SLC4A4: variants seen among roughly 807,000 people sequenced by gnomAD.
SLC4A4 encodes the protein solute carrier family 4 member 4.
Under a neutral mutation model 111.5 loss-of-function variants are expected in SLC4A4, and 27 were observed. That is an observed-to-expected ratio of 0.24 (90% CI 0.18 to 0.33). The LOEUF is 0.33. Ranked by LOEUF, SLC4A4 falls within the 10% of genes least tolerant of loss-of-function variation. The pLI is 1.00. For synonymous variants in SLC4A4, 443 were observed against 463.4 expected (o/e 0.96, Z 0.57); for missense variants, 909 against 1,315.5 (o/e 0.69, Z 4.78).
chr4:71,449,878 G>A (rs2149074550), intron 9 of SLC4A4, among the ~76,000 whole-genome samples: 1 of 152,300 alleles, frequency 6.6e-6, no homozygotes, highest in Middle Eastern at 3.4e-3. Context: ...TTTGGTTAAT[G>A]TGCTGCCGAT....
At chr4:71,430,872 G>A (rs1358394683) in intron 7 of SLC4A4, among the ~76,000 whole-genome samples, 1 of 152,068 alleles carries the variant, frequency 6.6e-6, no homozygotes, top group Non-Finnish European at 1.5e-5. Flanking sequence ...CCTGTGATTG[G>A]CCTCCATGCT....
chr4:71,406,757 A>T (rs973178349), intron 7 of SLC4A4, among the ~76,000 whole-genome samples: 2 of 151,272 alleles, frequency 1.3e-5, no homozygotes, highest in African/African-American at 2.4e-5. Flanking sequence ...TCAGTGTTCC[A>T]TGCATACACA....
intron 2 of SLC4A4, among the ~76,000 whole-genome samples, chr4:71,098,877 A>G (rs1357744263): frequency 1.3e-5 from 2 of 152,216 alleles, no homozygotes; most frequent in African/African-American, 4.8e-5. Flanking sequence ...GTATTACATA[A>G]TGGTAAAGGG....
rs1418220732 is a variant in SLC4A4 at position 71,560,398 on chromosome 4, CT to C, written c.3099+147del. 5.8e-6 allele frequency: 5 copies of C among 863,248 alleles called. No individual in the cohort carries two copies. The African/African-American group carries it at 9.8e-5, about 17-fold the overall frequency. The allele number at this position is 863,248 out of a possible 1,614,324, so 53.5% of individuals were successfully genotyped here. A position where few individuals can be genotyped will look rare whatever the true frequency, so the allele number is the denominator to read the frequency against. The stretch of plus-strand genomic sequence containing the variant: ...GTGGTGTATTACTCATTTCACCTCC[CT>C]TTGCCCTTTATATTCTCTGGTTTTT... On this transcript the variant is annotated intron_variant, in intron 23 of 25. Transcript: ENST00000264485.
At chr4:71,253,213 T>C (rs1721198844) in intron 2 of SLC4A4, among the ~76,000 whole-genome samples, 1 of 152,126 alleles carries the variant, frequency 6.6e-6, no homozygotes, top group South Asian at 2.1e-4. Context: ...GTTTGATGGC[T>C]CACTCTCTGA....
intron 1 of SLC4A4, among the ~76,000 whole-genome samples, chr4:71,190,124 T>G (rs1340330081): frequency 6.6e-6 from 1 of 152,184 alleles, no homozygotes; most frequent in East Asian, 1.9e-4. Flanking sequence ...AACTGGATCT[T>G]ACTACTTTTA....
intron 6 of SLC4A4, among the ~76,000 whole-genome samples, chr4:71,390,123 G>A (rs576703381): frequency 2.0e-5 from 3 of 151,880 alleles, no homozygotes; most frequent in African/African-American, 4.8e-5. Context: ...TTTTTTTCAC[G>A]GGATGGGGAA....
chr4:71,144,759 G>A (rs565112316), intron 2 of SLC4A4, among the ~76,000 whole-genome samples: 15 of 152,022 alleles, frequency 9.9e-5, no homozygotes, highest in Non-Finnish European at 1.9e-4. Flanking sequence ...GTCTGTTGTC[G>A]GTGTATAAGA....
intron 7 of SLC4A4, among the ~76,000 whole-genome samples, chr4:71,407,866 G>C (rs1579031300): frequency 6.6e-6 from 1 of 151,996 alleles, no homozygotes; most frequent in East Asian, 1.9e-4. Context: ...ACAATGAATA[G>C]AGAGTTACAA....
At chr4:71,401,931 G>T (rs1720401248) in intron 7 of SLC4A4, among the ~76,000 whole-genome samples, 1 of 152,130 alleles carries the variant, frequency 6.6e-6, no homozygotes, top group Non-Finnish European at 1.5e-5. Flanking sequence ...TGCTTATCTG[G>T]TTATTATTTC....
chr4:71,305,054 A>C (rs1268017900), intron 3 of SLC4A4, among the ~76,000 whole-genome samples: 1 of 152,228 alleles, frequency 6.6e-6, no homozygotes, highest in Non-Finnish European at 1.5e-5. Flanking sequence ...AATACCTACT[A>C]TGTGACTGAC....
Position 71,298,674 on chromosome 4 carries a change from G to C in SLC4A4, c.254-40696G>C, listed in dbSNP as rs891277215. Among the ~76,000 whole-genome samples the C allele has an allele frequency of 4.6e-5, 7 of 152,282 alleles. No individual in the cohort carries two copies. The South Asian group carries it at 6.2e-4, about 14-fold the overall frequency. ...TTCCTATGGCAAGTTTCACATCCTG[G>C]AAAATGTTTTATCAGTTGGATGCTG... On this transcript the variant is annotated intron_variant, in intron 3 of 25. Coordinates refer to ENST00000264485, the MANE Select transcript of SLC4A4 (RefSeq NM_001098484.3).
At chr4:71,091,397 C>T (rs1208286884) in intron 1 of SLC4A4, among the ~76,000 whole-genome samples, 2 of 151,922 alleles carry the variant, frequency 1.3e-5, no homozygotes, top group African/African-American at 2.4e-5. Context: ...GGACTACAGG[C>T]ACCCGCCACC....
At chr4:71,121,429 G>T (rs1743424317) in intron 2 of SLC4A4, among the ~76,000 whole-genome samples, 1 of 152,228 alleles carries the variant, frequency 6.6e-6, no homozygotes, top group African/African-American at 2.4e-5. Context: ...AAGCCAGCTG[G>T]GCTCCTCAGT....
At chr4:71,428,624 G>A (rs1723365685) in intron 7 of SLC4A4, among the ~76,000 whole-genome samples, 1 of 151,978 alleles carries the variant, frequency 6.6e-6, no homozygotes, top group Non-Finnish European at 1.5e-5. Flanking sequence ...AAGGGTGGGG[G>A]ACAGGAGAAA....
chr4:71,563,820 C>T lies in SLC4A4; in HGVS notation c.3127C>T (p.Pro1043Ser), dbSNP rs1737208893. Residue 1043 changes from proline to serine, a missense_variant, in exon 24 of 26, where the codon CCA becomes TCA. By Grantham distance (74) the Pro-to-Ser change is moderately conservative. Coordinates refer to ENST00000264485, the MANE Select transcript of SLC4A4 (RefSeq NM_001098484.3). ...TGACTGCCCATACTCAGAAAAAGTT[C>T]CAAGTATTAAAATTCCAATGGACAT... ...DSDCPYSEKV[P>S]SIKIPMDIME... 1 of 1,610,936 alleles carries T rather than the reference C, an allele frequency of 6.2e-7. No homozygotes were observed. The highest frequency in any genetic ancestry group is 8.5e-7 in the Non-Finnish European group (1 of 1,177,956).
rs149398183 is a variant in SLC4A4 at position 71,519,137 on chromosome 4, C to G, written c.2167-12925C>G. ...CTTGTGAAAGTATTTTAATCAGTGC[C>G]TAGTTGTTCAAATTTATGTTTCTGC... On this transcript the variant is annotated intron_variant, in intron 16 of 25. Transcript: ENST00000264485. Among the ~76,000 whole-genome samples, 84 of 152,270 alleles carry G rather than the reference C, an allele frequency of 5.5e-4. 1 individual carries two copies. The East Asian group carries it at 0.016, about 29-fold the overall frequency.
intron 3 of SLC4A4, among the ~76,000 whole-genome samples, chr4:71,303,411 C>A (rs982152545): frequency 5.3e-5 from 8 of 152,178 alleles, no homozygotes; most frequent in Non-Finnish European, 8.8e-5. Flanking sequence ...AGAATGTTTG[C>A]AGATTCTTTG....
At chr4:71,124,363 G>T (rs970399311) in intron 2 of SLC4A4, among the ~76,000 whole-genome samples, 1 of 151,922 alleles carries the variant, frequency 6.6e-6, no homozygotes, top group African/African-American at 2.4e-5. Flanking sequence ...GTAGAGACGG[G>T]GTTTCACCAC....
Sources: allele counts gnomAD v4.1 joint callset (sites outside exome capture counted in the v4.1 genomes callset), GRCh38; gene constraint gnomAD v4.1.1; transcripts MANE v1.5; gene names NCBI Gene and HGNC (gene_info 2026-07-23, HGNC 2026-07-21).